The following TERF1 variants were observed in gnomAD, a reference collection of about 807,000 sequenced individuals.
TERF1 encodes the protein telomeric repeat-binding factor 1.
In TERF1, 20 loss-of-function variants were observed where a neutral mutation model predicts 55.1. That is an observed-to-expected ratio of 0.36 (90% CI 0.26 to 0.53). The LOEUF (loss-of-function observed/expected upper bound fraction) is 0.53. TERF1 is among the 20% of genes least tolerant of loss of function. TERF1 has a pLI of 0.91. For synonymous variants in TERF1, 168 were observed against 181.2 expected (o/e 0.93, Z 0.59); for missense variants, 439 against 535.7 (o/e 0.82, Z 1.78).
At chr8:73,018,539 G>A (rs1283700698) in intron 2 of TERF1, among the ~76,000 whole-genome samples, 1 of 152,146 alleles carries the variant, frequency 6.6e-6, no homozygotes, top group African/African-American at 2.4e-5. Flanking sequence ...AGCCTGGCGT[G>A]GTGGTGGGCA....
At chr8:73,037,552 C>CG (rs1167878596) in intron 8 of TERF1, among the ~76,000 whole-genome samples, 28 of 88,278 alleles carry the variant, frequency 3.2e-4, no homozygotes, top group Non-Finnish European at 5.7e-4. Context: ...ATAAAATATT[C>CG]GGGGGGGAAA....
chr8:73,022,008 G>A (rs1808779107), intron 3 of TERF1, among the ~76,000 whole-genome samples: 1 of 151,962 alleles, frequency 6.6e-6, no homozygotes, highest in Admixed American at 6.6e-5. Flanking sequence ...AATGTGCATG[G>A]GACCAGTGCA....
intron 8 of TERF1, among the ~76,000 whole-genome samples, chr8:73,037,806 T>C (rs1432633181): frequency 9.9e-6 from 1 of 100,950 alleles, no homozygotes; most frequent in Admixed American, 1.6e-4. Context: ...TATAATAATA[T>C]ATATATTATA....
intron 5 of TERF1, among the ~76,000 whole-genome samples, chr8:73,025,762 A>C (rs1291160737): frequency 1.4e-5 from 2 of 141,678 alleles, no homozygotes; most frequent in Non-Finnish European, 3.0e-5. Flanking sequence ...CTCAAAAAAA[A>C]AAAAAAAAAA....
Position 73,009,217 on chromosome 8 carries a change from C to T in TERF1, c.319+12C>T. ...CAACAGCGCAGAGGGTGAGTGCAGACCGCGTCCGGGCCGGGACTACGCGGG... is the reference window on the plus strand; with the variant it reads ...CAACAGCGCAGAGGGTGAGTGCAGATCGCGTCCGGGCCGGGACTACGCGGG... On this transcript the variant is annotated intron_variant, in intron 1 of 9. Transcript: ENST00000276603. 6.2e-7 allele frequency: 1 copy of T among 1,604,238 alleles called. No homozygotes were observed. The highest frequency in any genetic ancestry group is 1.1e-5 in the South Asian group (1 of 90,674).
intron 6 of TERF1, among the ~76,000 whole-genome samples, chr8:73,027,613 A>G (rs1586047616): frequency 6.6e-6 from 1 of 152,278 alleles, no homozygotes; most frequent in African/African-American, 2.4e-5. Context: ...TTAGAAGCTT[A>G]AGTATCTTCC....
At chr8:73,009,398 G>A (rs1362890581) in intron 1 of TERF1, 193 bp downstream of exon 1, 2 of 582,442 alleles carry the variant, frequency 3.4e-6, no homozygotes, top group Non-Finnish European at 6.0e-6. Context: ...GTTTTTCTCA[G>A]ATTGATTTCC....
chr8:73,026,300 C>G (rs1808994833), intron 5 of TERF1, among the ~76,000 whole-genome samples: 1 of 152,038 alleles, frequency 6.6e-6, no homozygotes, highest in South Asian at 2.1e-4. Flanking sequence ...GAGTTTGAGA[C>G]CAGCCTGGGC....
chr8:73,046,435 T>G lies in TERF1; in HGVS notation c.*298T>G. 5.4e-6 allele frequency: 1 copy of G among 184,760 alleles called. No homozygotes were observed. Among genetic ancestry groups the G allele is most frequent in the East Asian group, 1.3e-4 (1 of 7,590 alleles). The allele number at this position is 184,760 out of a possible 1,614,324, so 11.4% of individuals were successfully genotyped here. A position where few individuals can be genotyped will look rare whatever the true frequency, so the allele number is the denominator to read the frequency against. On this transcript the variant is annotated 3_prime_UTR_variant, in exon 10 of 10. Coordinates refer to ENST00000276603, the MANE Select transcript of TERF1 (RefSeq NM_017489.3). The stretch of plus-strand genomic sequence containing the variant: ...AAAACCTGATACGAAAAAAAAAAAA[T>G]TCCAGTTAACCTATTTTGTGTCTGT...
chr8:73,034,104 G>A (rs1209864143), intron 8 of TERF1, among the ~76,000 whole-genome samples: 6 of 139,176 alleles, frequency 4.3e-5, no homozygotes, highest in Non-Finnish European at 6.2e-5. Context: ...GGCACATGCC[G>A]CCACACCCTG....
chr8:73,016,110 C>T (rs1022602098), intron 2 of TERF1, among the ~76,000 whole-genome samples: 6 of 152,068 alleles, frequency 3.9e-5, no homozygotes, highest in Admixed American at 6.6e-5. Context: ...ACAGCAAGGC[C>T]CCCATCTCTT....
rs777764676 is a variant in TERF1, at chr8:73,009,007, T to C, written c.121T>C (p.Cys41Arg). The C allele has an allele frequency of 2.3e-5, 37 of 1,611,648 alleles. No homozygotes were observed. In the South Asian group the frequency reaches 3.9e-4, roughly 17 times the overall value. The part of the protein sequence containing the change: ...TERNDEEQFE[C>R]QELLECQVQV... Reference sequence around the variant, plus strand: ...GAGAAACGACGAGGAGCAGTTCGAATGCCAGGAACTGCTCGAGTGCCAGGT... The same window carrying C: ...GAGAAACGACGAGGAGCAGTTCGAACGCCAGGAACTGCTCGAGTGCCAGGT... Residue 41 changes from cysteine (C) to arginine (R), a missense_variant, in exon 1 of 10, where the codon TGC becomes CGC. Coordinates refer to ENST00000276603, the MANE Select transcript of TERF1 (RefSeq NM_017489.3).
At chr8:73,034,431 C>A (rs1008470904) in intron 8 of TERF1, among the ~76,000 whole-genome samples, 2 of 116,180 alleles carry the variant, frequency 1.7e-5, no homozygotes, top group African/African-American at 5.6e-5. Context: ...CCACACCCGG[C>A]CTTTTTGTGT....
chr8:73,009,179 T>A lies in TERF1; in HGVS notation c.293T>A (p.Phe98Tyr). 1 of 1,610,764 alleles carries A rather than the reference T, an allele frequency of 6.2e-7. No homozygotes were observed. The highest frequency in any genetic ancestry group is 8.5e-7 in the Non-Finnish European group (1 of 1,179,846). The change falls in exon 1 of 10, where the codon TTC (phenylalanine) becomes TAC (tyrosine). Residue 98 changes from phenylalanine to tyrosine, a missense_variant. Physicochemically the swap from Phe to Tyr is conservative, Grantham distance 22 (BLOSUM62 3). Around this residue, in one of 4 missense-constraint regions of TERF1, gnomAD observed 179 missense variants for 152.6 expected, o/e 1.17. Coordinates refer to ENST00000276603, the MANE Select transcript of TERF1 (RefSeq NM_017489.3). ...TTCCGCGACGGCCGCTCCGAGGACTTCCGCAGGACCCGCAACAGCGCAGAG... is the reference window on the plus strand; with the variant it reads ...TTCCGCGACGGCCGCTCCGAGGACTACCGCAGGACCCGCAACAGCGCAGAG... ...RAFRDGRSEDFRRTRNSAEAI... is the reference protein window; with the variant it reads ...RAFRDGRSEDYRRTRNSAEAI...
intron 1 of TERF1, chr8:73,012,743 T>TG: frequency 3.7e-6 from 1 of 267,656 alleles, no homozygotes; most frequent in South Asian, 3.5e-5. Flanking sequence ...GTAAAAAACA[T>TG]GCAATCTGCA....
intron 6 of TERF1, among the ~76,000 whole-genome samples, chr8:73,028,071 T>G (rs536789377): frequency 2.8e-4 from 43 of 152,332 alleles, no homozygotes; most frequent in African/African-American, 9.9e-4. Flanking sequence ...GCCCAATTAC[T>G]TCCTTTTGTT....
rs767107444 is a variant in TERF1 at position 73,039,181 on chromosome 8, C to T, written c.1105C>T (p.Pro369Ser). The change falls in exon 9 of 10, where the codon CCG (proline) becomes TCG (serine). Residue 369 changes from proline to serine, a missense_variant. Physicochemically the swap from Pro to Ser is moderately conservative, Grantham distance 74. Around this residue, in one of 4 missense-constraint regions of TERF1, gnomAD observed 140 missense variants for 158.6 expected, o/e 0.88. Coordinates refer to ENST00000276603, the MANE Select transcript of TERF1 (RefSeq NM_017489.3). ...ESRIPVSKSQ[P>S]VTPEKHRARK... The stretch of plus-strand genomic sequence containing the variant: ...CAGAATACCTGTTTCAAAGAGTCAG[C>T]CGGTAACTCCTGAAAAACATCGAGC... The T allele has an allele frequency of 2.5e-6, 4 of 1,604,738 alleles. No individual in the cohort carries two copies. The highest frequency in any genetic ancestry group is 3.4e-6 in the Non-Finnish European group (4 of 1,176,016).
rs566076390 is a variant in TERF1, at chr8:73,047,504, T to C, written c.*1367T>C. On this transcript the variant is annotated 3_prime_UTR_variant, in exon 10 of 10. Coordinates refer to ENST00000276603, the MANE Select transcript of TERF1 (RefSeq NM_017489.3). ...TCATACATACCTTACTAAACAATTTTGGTTTTTCACCAACATTTTATTCTT... is the reference window on the plus strand; with the variant it reads ...TCATACATACCTTACTAAACAATTTCGGTTTTTCACCAACATTTTATTCTT... 4.8e-4 allele frequency: 73 copies of C among 152,310 alleles called. No individual in the cohort carries two copies. Among genetic ancestry groups the C allele is most frequent in the African/African-American group, 1.6e-3 (68 of 41,582 alleles). The allele number at this position is 152,310 out of a possible 1,614,324, so 9.4% of individuals were successfully genotyped here.
chr8:73,008,997 G>A lies in TERF1; in HGVS notation c.111G>A (p.Glu37=), dbSNP rs1222780473. ...CAGAAACAGAGAGAAACGACGAGGAGCAGTTCGAATGCCAGGAACTGCTCG... is the reference window on the plus strand; with the variant it reads ...CAGAAACAGAGAGAAACGACGAGGAACAGTTCGAATGCCAGGAACTGCTCG... ...QMAETERNDE[E]QFECQELLEC... is the part of the protein sequence containing the mutation. Residue 37 remains glutamate, a synonymous_variant, in exon 1 of 10, where the codon GAG becomes GAA. Coordinates refer to ENST00000276603, the MANE Select transcript of TERF1 (RefSeq NM_017489.3). 1.9e-6 allele frequency: 3 copies of A among 1,612,434 alleles called. No individual in the cohort carries two copies. The highest frequency in any genetic ancestry group is 2.5e-6 in the Non-Finnish European group (3 of 1,179,714).
Sources: allele counts gnomAD v4.1 joint callset (sites outside exome capture counted in the v4.1 genomes callset), GRCh38; gene constraint gnomAD v4.1.1; regional missense constraint gnomAD v4.1.1; transcripts MANE v1.5; gene names NCBI Gene and HGNC (gene_info 2026-07-23, HGNC 2026-07-21).